Variants in FBXL13 observed in about 807,000 individuals in gnomAD.
The protein encoded by FBXL13 is F-box and leucine rich repeat protein 13.
In FBXL13, 67 loss-of-function variants were observed where a neutral mutation model predicts 83.6. The observed-to-expected ratio is 0.80, with a 90% CI of 0.66 to 0.98. The LOEUF is 0.98. Among genes scored for constraint, FBXL13 ranks in the 50% least tolerant of loss-of-function variants. The pLI, the probability that FBXL13 is intolerant of heterozygous loss-of-function variation, is 0.00. For synonymous variants in FBXL13, 272 were observed against 299.5 expected (o/e 0.91, Z 0.95); for missense variants, 822 against 866.5 (o/e 0.95, Z 0.64).
intron 14 of FBXL13, among the ~76,000 whole-genome samples, chr7:102,881,413 G>C (rs1426990562): frequency 1.4e-5 from 2 of 147,252 alleles, no homozygotes; most frequent in African/African-American, 5.1e-5. Context: ...CTCCAGCCTG[G>C]GTGACAGAGT....
Position 102,822,035 on chromosome 7 carries a change from C to G in FBXL13, c.2018+5G>C. The G allele has an allele frequency of 6.2e-7, 1 of 1,614,094 alleles. No individual in the cohort carries two copies. Among genetic ancestry groups the G allele is most frequent in the Non-Finnish European group, 8.5e-7 (1 of 1,179,982 alleles). On this transcript the variant is annotated splice_donor_5th_base_variant and intron_variant, in intron 19 of 19. Transcript: ENST00000313221. ...AAAGTTTGTCATAGTCAGGTACATA[C>G]TTACTTGGAAATATTTGTGCAGTAT...
chr7:103,056,240 C>G (rs1231008985), intron 1 of FBXL13, among the ~76,000 whole-genome samples: 1 of 152,036 alleles, frequency 6.6e-6, no homozygotes, highest in African/African-American at 2.4e-5. Flanking sequence ...ATATATATAT[C>G]TCACAATTTC....
intron 2 of FBXL13, among the ~76,000 whole-genome samples, chr7:103,037,855 C>A (rs1306696708): frequency 6.6e-6 from 1 of 151,520 alleles, no homozygotes; most frequent in Non-Finnish European, 1.5e-5. Context: ...ATAGAAACAG[C>A]TCCGGTCTGC....
Position 102,883,294 on chromosome 7 carries a change from T to C in FBXL13, c.1388+11A>G. The C allele has an allele frequency of 6.2e-7, 1 of 1,604,238 alleles. No individual in the cohort carries two copies. Among genetic ancestry groups the C allele is most frequent in the Non-Finnish European group, 8.5e-7 (1 of 1,177,008 alleles). On this transcript the variant is annotated intron_variant, in intron 14 of 19. Transcript: ENST00000313221. Reference sequence around the variant, plus strand: ...AACGTTTCTTGAATATATTACTGAATGACTCATTACCTTACACAATTTGCC... The same window carrying C: ...AACGTTTCTTGAATATATTACTGAACGACTCATTACCTTACACAATTTGCC...
At chr7:103,047,585 T>A (rs1361334790) in intron 2 of FBXL13, among the ~76,000 whole-genome samples, 1 of 152,268 alleles carries the variant, frequency 6.6e-6, no homozygotes, top group Non-Finnish European at 1.5e-5. Context: ...AGCAGTTCTA[T>A]ACAAGGAAGT....
intron 18 of FBXL13, among the ~76,000 whole-genome samples, chr7:102,823,523 TCA>T (rs986285075): frequency 6.6e-6 from 1 of 152,170 alleles, no homozygotes; most frequent in African/African-American, 2.4e-5. Flanking sequence ...TTCCAACATA[TCA>T]CAGTTTTGCC....
In FBXL13 at chr7:103,014,314, T is replaced by A. The variant is rs554500779; in HGVS notation, c.495+10749A>T. On this transcript the variant is annotated intron_variant, in intron 6 of 19. Transcript: ENST00000313221. The stretch of plus-strand genomic sequence containing the variant: ...AGGCTGCAGTGAGCCATGATCACAC[T>A]ACTGCACTCCAGCCTGGGTGACAGA... 5.9e-5 allele frequency among the ~76,000 whole-genome samples: 9 copies of A among 152,008 alleles called. No homozygotes were observed. In the South Asian group the frequency reaches 1.9e-3, roughly 32 times the overall value.
intron 2 of FBXL13, among the ~76,000 whole-genome samples, chr7:103,039,313 G>A (rs940335443): frequency 2.6e-5 from 4 of 152,208 alleles, no homozygotes; most frequent in Non-Finnish European, 5.9e-5. Context: ...CAAGAAATAT[G>A]GGACTAGGTG....
intron 12 of FBXL13, 138 bp downstream of exon 13, chr7:102,884,076 G>A: frequency 3.1e-6 from 2 of 650,684 alleles, no homozygotes; most frequent in South Asian, 4.0e-5. Flanking sequence ...TGCATGTGTG[G>A]AAACTTTTCA....
intron 10 of FBXL13, among the ~76,000 whole-genome samples, chr7:102,913,992 G>A (rs1284404136): frequency 3.3e-5 from 5 of 152,180 alleles, no homozygotes; most frequent in African/African-American, 9.7e-5. Flanking sequence ...TAGTTAGGAT[G>A]AGCCTGTACT....
At chr7:102,870,413 T>A (rs1808372691) in intron 16 of FBXL13, among the ~76,000 whole-genome samples, 1 of 152,204 alleles carries the variant, frequency 6.6e-6, no homozygotes, top group Non-Finnish European at 1.5e-5. Flanking sequence ...GATTTTCTGA[T>A]AATTATGGAC....
At position 102,871,450 on chromosome 7, in the gene FBXL13, A is replaced by G. The variant is rs1014308861; in HGVS notation, c.1635+6017T>C. ...ACCCAGGCTGGAGTGCAGTGGTACAATCTCGGCTCACTGCAGGCTTGACCT... is the reference window on the plus strand; with the variant it reads ...ACCCAGGCTGGAGTGCAGTGGTACAGTCTCGGCTCACTGCAGGCTTGACCT... On this transcript the variant is annotated intron_variant, in intron 16 of 19. Coordinates refer to ENST00000313221, the Ensembl canonical transcript of FBXL13. 1.6e-4 allele frequency among the ~76,000 whole-genome samples: 25 copies of G among 151,964 alleles called. No homozygotes were observed. The East Asian group carries it at 2.1e-3, about 13-fold the overall frequency.
chr7:103,008,424 A>G (rs1217902413), intron 6 of FBXL13, among the ~76,000 whole-genome samples: 1 of 152,252 alleles, frequency 6.6e-6, no homozygotes, highest in East Asian at 1.9e-4. Context: ...TACATCAATA[A>G]TATTCATGGC....
intron 17 of FBXL13, among the ~76,000 whole-genome samples, chr7:102,851,739 A>C (rs1215639921): frequency 6.6e-6 from 1 of 152,062 alleles, no homozygotes; most frequent in East Asian, 1.9e-4. Context: ...TGTATGACAC[A>C]TGACTTTGGG....
chr7:102,814,968 C>G (rs1797789993), intron 19 of FBXL13, among the ~76,000 whole-genome samples: 1 of 152,136 alleles, frequency 6.6e-6, no homozygotes, highest in African/African-American at 2.4e-5. Flanking sequence ...TCTCCCTTTT[C>G]AATTCTATAA....
At chr7:103,020,028 G>C (rs1336253330) in intron 6 of FBXL13, among the ~76,000 whole-genome samples, 2 of 152,226 alleles carry the variant, frequency 1.3e-5, no homozygotes, top group Middle Eastern at 3.4e-3. Context: ...CAAAAAAAGA[G>C]AACTTTAGAT....
intron 6 of FBXL13, among the ~76,000 whole-genome samples, chr7:102,976,826 G>A (rs1161683806): frequency 6.6e-6 from 1 of 152,112 alleles, no homozygotes; most frequent in Non-Finnish European, 1.5e-5. Context: ...AAAACCAGAT[G>A]GAACTTATCG....
intron 10 of FBXL13, among the ~76,000 whole-genome samples, chr7:102,919,023 G>C (rs141841606): frequency 1.1e-3 from 170 of 152,300 alleles, no homozygotes; most frequent in Middle Eastern, 6.8e-3. Flanking sequence ...AACAGTGTTA[G>C]AGAAACCTCA....
At chr7:102,819,732 A>T (rs191714579) in intron 19 of FBXL13, among the ~76,000 whole-genome samples, 151 of 152,228 alleles carry the variant, frequency 9.9e-4, no homozygotes, top group Non-Finnish European at 1.5e-3. Context: ...GTTCTGTTTC[A>T]CCCAGACAAA....
Sources: allele counts gnomAD v4.1 joint callset (sites outside exome capture counted in the v4.1 genomes callset), GRCh38; gene constraint gnomAD v4.1.1; transcripts MANE v1.5; gene names NCBI Gene and HGNC (gene_info 2026-07-23, HGNC 2026-07-21).